MCF2: variants seen among roughly 807,000 people sequenced by gnomAD.
MCF2 encodes proto-oncogene DBL.
MCF2 carries 44 observed loss-of-function variants against 82.5 expected under a neutral mutation model. The observed-to-expected ratio is 0.53, with a 90% CI of 0.42 to 0.69. The LOEUF is 0.69. Ranked by LOEUF, MCF2 falls within the 30% of genes least tolerant of loss-of-function variation. MCF2 has a pLI of 0.00. For missense variants in MCF2, 623 were observed against 663.1 expected, an observed-to-expected ratio of 0.94 and a Z score of 0.66; for synonymous variants, 217 against 224.9, an observed-to-expected ratio of 0.96 and a Z score of 0.32.
chrX:139,638,919 T>A (rs1202422491), intron 1 of MCF2, among the ~76,000 whole-genome samples: 2 of 111,584 alleles, frequency 1.8e-5, no homozygotes, highest in Non-Finnish European at 3.8e-5. Context: ...GATATACATA[T>A]AAGTATATAT....
At chrX:139,627,794 A>G (rs1932798246) in intron 4 of MCF2, among the ~76,000 whole-genome samples, 1 of 111,888 alleles carries the variant, frequency 8.9e-6, no homozygotes, top group African/African-American at 3.2e-5. Context: ...AGAAACTGCA[A>G]CTCAGAAAAG....
chrX:139,584,527 T>C (rs765560566), intron 24 of MCF2, among the ~76,000 whole-genome samples: 2 of 111,564 alleles, frequency 1.8e-5, no homozygotes, highest in Non-Finnish European at 3.8e-5. Flanking sequence ...ATTCCTTCTA[T>C]AAACACTTTA....
intron 10 of MCF2, among the ~76,000 whole-genome samples, chrX:139,612,386 G>A (rs939130066): frequency 1.8e-5 from 2 of 110,831 alleles, no homozygotes; most frequent in African/African-American, 6.5e-5. Flanking sequence ...AGATTTAGGA[G>A]CTCAAGTCAC....
chrX:139,705,390 A>T (rs1251733666), intron 1 of MCF2, among the ~76,000 whole-genome samples: 1 of 112,281 alleles, frequency 8.9e-6, no homozygotes, highest in Admixed American at 9.4e-5. Context: ...AACAGAATAG[A>T]GAACTCAGAA....
intron 1 of MCF2, among the ~76,000 whole-genome samples, chrX:139,662,386 G>C (rs189818181): frequency 9.0e-6 from 1 of 110,611 alleles, no homozygotes; most frequent in African/African-American, 3.3e-5. Flanking sequence ...AAATACAAGG[G>C]AGCCAAATTA....
In MCF2 at chrX:139,671,253, T is replaced by C. The variant is rs958864475; in HGVS notation, c.-44-19465A>G. On this transcript the variant is annotated intron_variant, in intron 1 of 27. Transcript: ENST00000414978. ...GGTAGATTGCAAAAATTTTCTCCCA[T>C]TCTGTAGGCTGCCTGTTCACTCTGA... Among the ~76,000 whole-genome samples, 3 of 112,077 alleles carry C rather than the reference T, an allele frequency of 2.7e-5. 1 individual carries two copies. Among genetic ancestry groups the C allele is most frequent in the Non-Finnish European group, 5.6e-5 (3 of 53,231 alleles).
chrX:139,690,338 G>GTTTTTTTTTTTTTTTTTTTTTTTTTTT (rs145515088), intron 1 of MCF2, among the ~76,000 whole-genome samples: 1 of 75,753 alleles, frequency 1.3e-5, no homozygotes, highest in Non-Finnish European at 2.4e-5. Context: ...CTCCAAAGGA[G>GTTTTTTTTTTTTTTTTTTTTTTTTTTT]TTTTTTTTTT....
chrX:139,678,704 C>T (rs1934931383), intron 1 of MCF2, among the ~76,000 whole-genome samples: 1 of 111,519 alleles, frequency 9.0e-6, no homozygotes, highest in Admixed American at 9.5e-5. Context: ...TAAGAATGGC[C>T]AATGAACACT....
intron 1 of MCF2, among the ~76,000 whole-genome samples, chrX:139,633,465 CAG>C (rs1725110353): frequency 9.0e-6 from 1 of 111,360 alleles, no homozygotes; most frequent in Non-Finnish European, 1.9e-5. Flanking sequence ...AAGTGAGACT[CAG>C]AGAGTTTAAG....
intron 1 of MCF2, among the ~76,000 whole-genome samples, chrX:139,688,319 T>A (rs1167173837): frequency 9.0e-6 from 1 of 111,245 alleles, no homozygotes; most frequent in African/African-American, 3.3e-5. Context: ...GGAAGGTAAA[T>A]AGTATTTTTG....
chrX:139,642,194 A>G (rs766325812), intron 1 of MCF2, among the ~76,000 whole-genome samples: 21 of 112,051 alleles, frequency 1.9e-4, no homozygotes, highest in Non-Finnish European at 1.1e-4. Flanking sequence ...TTGTTCATAC[A>G]GTCTTAAACG....
chrX:139,651,829 G>C (rs1455599997), intron 1 of MCF2, 41 bp from the exon 2 acceptor site: 3 of 822,585 alleles, frequency 3.6e-6, no homozygotes, highest in Non-Finnish European at 5.3e-6. Context: ...TACATGTTAA[G>C]GTACAGCCTT....
chrX:139,656,571 A>C (rs778599162), intron 1 of MCF2, among the ~76,000 whole-genome samples: 1 of 112,408 alleles, frequency 8.9e-6, no homozygotes, highest in East Asian at 2.8e-4. Flanking sequence ...TCTGGGTTGG[A>C]AACAGACTGA....
Position 139,632,282 on chromosome X carries a change from A to C in MCF2, c.171+53T>G, listed in dbSNP as rs1932964953. The C allele has an allele frequency of 1.3e-5, 13 of 1,030,667 alleles. No individual in the cohort carries two copies. In the South Asian group the frequency reaches 2.8e-4, roughly 22 times the overall value. 84.9% of individuals were successfully genotyped at this position (1,030,667 alleles called of 1,213,427 possible). On this transcript the variant is annotated intron_variant, in intron 2 of 24. Coordinates refer to ENST00000370576, the Ensembl canonical transcript of MCF2. Reference sequence around the variant, plus strand: ...ACATGTAAAATATAAACAGCATGGTACAGGTCTTCATGAGAATTAGAGGAA... The same window carrying C: ...ACATGTAAAATATAAACAGCATGGTCCAGGTCTTCATGAGAATTAGAGGAA...
intron 7 of MCF2, among the ~76,000 whole-genome samples, chrX:139,619,330 T>C (rs1370055448): frequency 9.1e-6 from 1 of 110,233 alleles, no homozygotes; most frequent in Non-Finnish European, 1.9e-5. Context: ...TACAGAATGT[T>C]GTTATGATGG....
chrX:139,685,614 G>A (rs1190966345), intron 1 of MCF2, among the ~76,000 whole-genome samples: 1 of 110,988 alleles, frequency 9.0e-6, no homozygotes, highest in African/African-American at 3.3e-5. Context: ...CTTGAGACAG[G>A]AGTCTTGCCC....
exon 22 of MCF2, chrX:139,587,753 G>C (rs372568428): frequency 8.4e-7 from 1 of 1,196,145 alleles, no homozygotes; most frequent in South Asian, 1.8e-5. Context: ...AACTTATCCC[G>C]TTCTGTTAAT....
intron 19 of MCF2, among the ~76,000 whole-genome samples, chrX:139,593,773 C>A (rs1929754476): frequency 9.0e-6 from 1 of 110,978 alleles, no homozygotes; most frequent in Non-Finnish European, 1.9e-5. Context: ...TAAACAGAAC[C>A]AAACACAAAA....
upstream of MCF2, among the ~76,000 whole-genome samples, chrX:139,647,449 A>G (rs959528979): frequency 8.9e-6 from 1 of 111,840 alleles, no homozygotes; most frequent in Non-Finnish European, 1.9e-5. Flanking sequence ...AAGATCACAA[A>G]TTATCTGTGG....
Sources: allele counts gnomAD v4.1 joint callset (sites outside exome capture counted in the v4.1 genomes callset), GRCh38; gene constraint gnomAD v4.1.1; transcripts MANE v1.5; gene names NCBI Gene and HGNC (gene_info 2026-07-23, HGNC 2026-07-21).